The following ADK variants were observed in gnomAD, a reference collection of about 807,000 sequenced individuals.
The protein encoded by ADK is N6,N6-dimethyladenosine kinase.
ADK carries 24 observed loss-of-function variants against 44.7 expected under a neutral mutation model. The observed-to-expected ratio is 0.54, with a 90% CI of 0.39 to 0.76. The LOEUF (loss-of-function observed/expected upper bound fraction) is 0.76, where lower values mean the gene tolerates loss of function less well. ADK is among the 30% of genes least tolerant of loss of function. The probability of loss-of-function intolerance (pLI) is 0.00; values close to 1 mark genes in which losing one functional copy is unlikely to be tolerated. For missense variants in ADK, 321 were observed against 425.1 expected (o/e 0.76, Z 2.15); for synonymous variants, 128 against 142.6 (o/e 0.90, Z 0.73).
At chr10:74,701,451 C>T (rs182892362) in intron 10 of ADK, among the ~76,000 whole-genome samples, 2 of 152,282 alleles carry the variant, frequency 1.3e-5, no homozygotes, top group East Asian at 3.9e-4. Flanking sequence ...AACCAGTTAT[C>T]CTCAGATAAA....
intron 2 of ADK, among the ~76,000 whole-genome samples, chr10:74,218,549 A>T (rs1348932400): frequency 2.6e-5 from 4 of 152,162 alleles, no homozygotes; most frequent in African/African-American, 9.7e-5. Flanking sequence ...GAAGACCAAC[A>T]CCAAGACACA....
chr10:74,528,239 T>G, intron 7 of ADK: 1 of 393,240 alleles, frequency 2.5e-6, no homozygotes, highest in Non-Finnish European at 4.6e-6. Context: ...CGATGTAAAT[T>G]GTATCAATGA....
chr10:74,611,126 C>A (rs758772804), intron 9 of ADK, among the ~76,000 whole-genome samples: 1 of 152,044 alleles, frequency 6.6e-6, no homozygotes, highest in African/African-American at 2.4e-5. Context: ...CGGGCTCAAG[C>A]GATCCTCCCT....
rs1843434082 is a variant in ADK at position 74,394,235 on chromosome 10, C to G, written c.368C>G (p.Ala123Gly). The change falls in exon 5 of 11, where the codon GCC (alanine) becomes GGC (glycine). Residue 123 changes from alanine to glycine, a missense_variant. By Grantham distance (60) the Ala-to-Gly change is moderately conservative (BLOSUM62 0). Coordinates refer to ENST00000539909, the MANE Select transcript of ADK (RefSeq NM_006721.4). Reference protein sequence around the residue: ...GEILKRKAAEAHVDAHYYEQN... With the variant: ...GEILKRKAAEGHVDAHYYEQN... ...ATCCTGAAGAGAAAAGCTGCTGAAG[C>G]CCATGTGGATGCTCATTACTACGAG... 6.2e-7 allele frequency: 1 copy of G among 1,613,896 alleles called. No homozygotes were observed. Among genetic ancestry groups the G allele is most frequent in the Admixed American group, 1.7e-5 (1 of 59,996 alleles).
intron 4 of ADK, among the ~76,000 whole-genome samples, chr10:74,383,404 C>CTCTGTCTCTGTCTCTG (rs1843036083): frequency 6.6e-6 from 1 of 151,978 alleles, no homozygotes; most frequent in Admixed American, 6.6e-5. Context: ...CTGTCTCTGT[C>CTCTGTCTCTGTCTCTG]TCTGTCTCTC....
intron 1 of ADK, among the ~76,000 whole-genome samples, chr10:74,158,486 A>G (rs1841814034): frequency 6.6e-6 from 1 of 152,228 alleles, no homozygotes; most frequent in Admixed American, 6.5e-5. Context: ...ATTTGAACTG[A>G]TGTAAAGGTG....
At chr10:74,462,521 A>T (rs899656032) in intron 6 of ADK, among the ~76,000 whole-genome samples, 5 of 152,170 alleles carry the variant, frequency 3.3e-5, no homozygotes, top group African/African-American at 1.2e-4. Flanking sequence ...TGATTCAATA[A>T]GATATATATT....
intron 6 of ADK, among the ~76,000 whole-genome samples, chr10:74,517,265 G>T (rs1848623325): frequency 6.6e-6 from 1 of 152,114 alleles, no homozygotes. Context: ...TTCCCTTAAA[G>T]CCCATCTTCT....
chr10:74,631,247 T>G (rs1853407672), intron 9 of ADK, among the ~76,000 whole-genome samples: 1 of 151,596 alleles, frequency 6.6e-6, no homozygotes, highest in Non-Finnish European at 1.5e-5. Flanking sequence ...TGTGTGTGTG[T>G]GTATGTGTGT....
intron 6 of ADK, among the ~76,000 whole-genome samples, chr10:74,470,317 G>A (rs1394817684): frequency 1.3e-5 from 2 of 151,882 alleles, no homozygotes; most frequent in East Asian, 1.9e-4. Context: ...GAGCCACCGC[G>A]CCCAGCCACA....
chr10:74,192,914 G>A (rs1330613098), intron 1 of ADK, among the ~76,000 whole-genome samples: 1 of 152,208 alleles, frequency 6.6e-6, no homozygotes, highest in Non-Finnish European at 1.5e-5. Flanking sequence ...TAAATGCTGT[G>A]TAGTGTGATT....
At chr10:74,196,159 C>T (rs1843142316) in intron 1 of ADK, among the ~76,000 whole-genome samples, 1 of 152,018 alleles carries the variant, frequency 6.6e-6, no homozygotes, top group Non-Finnish European at 1.5e-5. Flanking sequence ...ACTTCTGCAA[C>T]CAGTTTCATG....
At chr10:74,407,797 G>T (rs1844003277) in intron 6 of ADK, among the ~76,000 whole-genome samples, 1 of 152,076 alleles carries the variant, frequency 6.6e-6, no homozygotes, top group Non-Finnish European at 1.5e-5. Context: ...ACCTTATTCT[G>T]CCCCTTCTTT....
At chr10:74,158,562 G>C (rs77157388) in intron 1 of ADK, among the ~76,000 whole-genome samples, 2,715 of 152,264 alleles carry the variant, frequency 0.018, 43 homozygotes, top group Non-Finnish European at 0.026. Context: ...GGCTGTTAAT[G>C]ACATGCCACA....
chr10:74,247,830 T>G (rs537411710), intron 3 of ADK, among the ~76,000 whole-genome samples: 2 of 152,266 alleles, frequency 1.3e-5, no homozygotes, highest in South Asian at 4.1e-4. Flanking sequence ...TTTTTCCTTT[T>G]TTTCCCCCCT....
At chr10:74,214,773 A>G (rs376902040) in intron 2 of ADK, among the ~76,000 whole-genome samples, 3 of 152,220 alleles carry the variant, frequency 2.0e-5, no homozygotes, top group Admixed American at 1.3e-4. Flanking sequence ...TGAATTCTTC[A>G]TTTTATAGGG....
intron 4 of ADK, among the ~76,000 whole-genome samples, chr10:74,384,246 C>T (rs1843068933): frequency 6.6e-6 from 1 of 152,132 alleles, no homozygotes. Context: ...AGCAGGCACT[C>T]TTCTAGATTT....
intron 6 of ADK, among the ~76,000 whole-genome samples, chr10:74,406,523 T>G (rs2395090): frequency 0.076 from 4,242 of 55,886 alleles, 116 homozygotes; most frequent in Admixed American, 0.24. Flanking sequence ...ATAATAATAA[T>G]AATAAGAAGA....
intron 4 of ADK, among the ~76,000 whole-genome samples, chr10:74,353,649 A>C (rs1842041568): frequency 2.0e-5 from 3 of 151,368 alleles, no homozygotes; most frequent in African/African-American, 7.3e-5. Flanking sequence ...CAGGTGGATC[A>C]CAAGGTCAGG....
Sources: gnomAD v4.1 joint callset for allele counts (sites outside exome capture counted in the v4.1 genomes callset) on GRCh38, gnomAD v4.1.1 for gene constraint, MANE v1.5 for transcripts, NCBI Gene and HGNC (gene_info 2026-07-23, HGNC 2026-07-21) for gene names.